The following TENM3 variants were observed in gnomAD, a reference collection of about 807,000 sequenced individuals.
The protein encoded by TENM3 is teneurin-3.
TENM3 carries 63 observed loss-of-function variants against 255.1 expected under a neutral mutation model. The ratio of observed to expected loss-of-function variants is 0.25; its 90% confidence interval spans 0.20 to 0.30. The LOEUF is 0.30. Ranked by LOEUF, TENM3 falls within the 10% of genes least tolerant of loss-of-function variation. TENM3 has a pLI of 1.00. For synonymous variants in TENM3, 1,306 were observed against 1,322.3 expected (o/e 0.99, Z 0.27); for missense variants, 2,929 against 3,461.1 (o/e 0.85, Z 3.86).
At chr4:181,772,304 G>A in the TENM3 span, among the ~76,000 whole-genome samples, 2 of 152,004 alleles carry the variant, frequency 1.3e-5, no homozygotes, top group African/African-American at 4.8e-5. Flanking sequence ...CTTGAACCCG[G>A]GAGATGGAGG....
the TENM3 span, among the ~76,000 whole-genome samples, chr4:181,848,074 G>A: frequency 6.6e-6 from 1 of 151,960 alleles, no homozygotes; most frequent in South Asian, 2.1e-4. Flanking sequence ...TGACACTTTT[G>A]CATTGCGCCC....
the TENM3 span, among the ~76,000 whole-genome samples, chr4:181,474,667 G>C: frequency 6.6e-6 from 1 of 151,194 alleles, no homozygotes; most frequent in Non-Finnish European, 1.5e-5. Flanking sequence ...CCTGGGAGGC[G>C]GAGGTTGCAG....
At chr4:182,566,802 A>C (rs1022276) in intron 3 of TENM3, among the ~76,000 whole-genome samples, 49,534 of 152,038 alleles carry the variant, frequency 0.33, 9,565 homozygotes, top group East Asian at 0.5. Flanking sequence ...AGTAGATGTC[A>C]GAATTTCTTT....
intron 1 of TENM3, among the ~76,000 whole-genome samples, chr4:182,173,307 TC>T (rs1561166073): frequency 5.9e-5 from 9 of 152,212 alleles, no homozygotes; most frequent in African/African-American, 2.2e-4. Context: ...CAATGCAATG[TC>T]AGAGTGAACA....
chr4:182,375,770 C>T (rs1304656277), intron 3 of TENM3, among the ~76,000 whole-genome samples: 2 of 152,150 alleles, frequency 1.3e-5, no homozygotes, highest in African/African-American at 4.8e-5. Flanking sequence ...TCTCAAACTC[C>T]TGACCTCAGG....
intron 6 of TENM3, among the ~76,000 whole-genome samples, chr4:182,669,672 A>G (rs1309294842): frequency 6.6e-6 from 1 of 152,170 alleles, no homozygotes; most frequent in African/African-American, 2.4e-5. Context: ...TGGTTCAGTG[A>G]CTTAATATAT....
At chr4:181,761,227 TATC>T in the TENM3 span, among the ~76,000 whole-genome samples, 2 of 152,144 alleles carry the variant, frequency 1.3e-5, no homozygotes, top group African/African-American at 4.8e-5. Flanking sequence ...TACAGTGTAT[TATC>T]ATTGTCACGG....
At chr4:182,610,948 T>C (rs1748942352) in intron 4 of TENM3, among the ~76,000 whole-genome samples, 1 of 151,000 alleles carries the variant, frequency 6.6e-6, no homozygotes, top group South Asian at 2.1e-4. Context: ...TGTCTCATTA[T>C]GTTGAACAGG....
At chr4:181,880,894 G>T in the TENM3 span, among the ~76,000 whole-genome samples, 1 of 152,082 alleles carries the variant, frequency 6.6e-6, no homozygotes, top group African/African-American at 2.4e-5. Flanking sequence ...GCCAGCCCCC[G>T]GGGCTCTAAT....
the TENM3 span, among the ~76,000 whole-genome samples, chr4:181,878,118 G>T: frequency 6.6e-6 from 1 of 152,158 alleles, no homozygotes; most frequent in African/African-American, 2.4e-5. Context: ...ACCCATTCTA[G>T]TTGTCTGCTC....
At chr4:181,978,509 T>C in the TENM3 span, among the ~76,000 whole-genome samples, 4 of 151,648 alleles carry the variant, frequency 2.6e-5, no homozygotes, top group Admixed American at 2.0e-4. Context: ...TAGCGAGGCA[T>C]GGTGGTGCGC....
chr4:181,463,025 G>T, the TENM3 span, among the ~76,000 whole-genome samples: 1 of 152,136 alleles, frequency 6.6e-6, no homozygotes, highest in African/African-American at 2.4e-5. Context: ...AGCACACATA[G>T]CTCATCTTGG....
chr4:182,074,215 C>T, the TENM3 span, among the ~76,000 whole-genome samples: 9 of 152,122 alleles, frequency 5.9e-5, no homozygotes, highest in African/African-American at 1.4e-4. Context: ...TATAAACAGA[C>T]GTGTGTCTGT....
the TENM3 span, among the ~76,000 whole-genome samples, chr4:182,014,045 TATATATACGTGTATATACGTATATACAC>T: frequency 2.8e-5 from 1 of 35,942 alleles, no homozygotes; most frequent in Admixed American, 3.0e-4. Flanking sequence ...CATATATACG[TATATATACGTGTATATACGTATATACAC>T]ATATATACGT....
intron 3 of TENM3, among the ~76,000 whole-genome samples, chr4:182,413,512 T>C (rs1770156733): frequency 6.6e-6 from 1 of 151,866 alleles, no homozygotes; most frequent in Non-Finnish European, 1.5e-5. Context: ...GCTACTCAGG[T>C]GGCTGAGGCA....
intron 3 of TENM3, among the ~76,000 whole-genome samples, chr4:182,481,251 G>C (rs1296398659): frequency 6.6e-6 from 1 of 152,118 alleles, no homozygotes; most frequent in African/African-American, 2.4e-5. Context: ...GAGTTAAAGA[G>C]AAAGTCCAGA....
intron 5 of TENM3, among the ~76,000 whole-genome samples, chr4:182,644,041 A>G (rs1349074154): frequency 1.3e-5 from 2 of 152,180 alleles, no homozygotes; most frequent in Non-Finnish European, 2.9e-5. Context: ...CCCTCCCAGC[A>G]CGCTACTCTG....
At chr4:181,927,406 G>A in the TENM3 span, among the ~76,000 whole-genome samples, 8 of 152,240 alleles carry the variant, frequency 5.3e-5, no homozygotes, top group Admixed American at 5.2e-4. Flanking sequence ...AAAGCCGCCA[G>A]GGAGTTCAAA....
At chr4:181,648,378 C>T in the TENM3 span, among the ~76,000 whole-genome samples, 138 of 152,206 alleles carry the variant, frequency 9.1e-4, no homozygotes, top group African/African-American at 3.1e-3. Flanking sequence ...TAAACTGACT[C>T]ATATGAAGCA....
Sources: allele counts gnomAD v4.1 joint callset (sites outside exome capture counted in the v4.1 genomes callset), GRCh38; gene constraint gnomAD v4.1.1; transcripts MANE v1.5; gene names NCBI Gene and HGNC (gene_info 2026-07-23, HGNC 2026-07-21).